Variants in ABTB2 observed in about 807,000 individuals in gnomAD.
ABTB2 encodes the protein ankyrin repeat and BTB domain containing 2.
In ABTB2, 56 loss-of-function variants were observed where a neutral mutation model predicts 104.1. That is an observed-to-expected ratio of 0.54 (90% confidence interval 0.43 to 0.67). The LOEUF is 0.67. Among genes scored for constraint, ABTB2 ranks in the 30% least tolerant of loss-of-function variants. The pLI is 0.00. For synonymous variants in ABTB2, 606 were observed against 608.2 expected, an observed-to-expected ratio of 1.00 and a Z score of 0.05; for missense variants, 1,279 against 1,407.7, an observed-to-expected ratio of 0.91 and a Z score of 1.46.
At chr11:34,336,950 A>G (rs946973049) in intron 1 of ABTB2, among the ~76,000 whole-genome samples, 11 of 152,214 alleles carry the variant, frequency 7.2e-5, no homozygotes, top group African/African-American at 2.7e-4. Context: ...GATTATCCCT[A>G]TCTTACAGAC....
intron 1 of ABTB2, among the ~76,000 whole-genome samples, chr11:34,344,621 C>T (rs1204469338): frequency 6.6e-6 from 1 of 152,160 alleles, no homozygotes; most frequent in African/African-American, 2.4e-5. Context: ...CTCAGCCTCC[C>T]AAGTAGCTGG....
At chr11:34,211,097 G>A (rs1288009836) in intron 1 of ABTB2, among the ~76,000 whole-genome samples, 2 of 152,094 alleles carry the variant, frequency 1.3e-5, no homozygotes, top group Non-Finnish European at 2.9e-5. Context: ...AGAGTGTAAG[G>A]ACAGTCAATT....
chr11:34,266,627 C>T (rs1383791587), intron 1 of ABTB2, among the ~76,000 whole-genome samples: 2 of 150,972 alleles, frequency 1.3e-5, no homozygotes, highest in African/African-American at 2.4e-5. Context: ...CCTGCCACCC[C>T]CTTCCTCCGA....
chr11:34,204,288 C>T (rs373401880), intron 2 of ABTB2, among the ~76,000 whole-genome samples: 2 of 152,196 alleles, frequency 1.3e-5, no homozygotes, highest in African/African-American at 2.4e-5. Flanking sequence ...ACTTAGCTCC[C>T]GTGGGTCACT....
At position 34,168,850 on chromosome 11, in the gene ABTB2, C is replaced by T. The variant is rs146445074; in HGVS notation, c.1564-858G>A. Among the ~76,000 whole-genome samples, 581 of 152,350 alleles carry T rather than the reference C, an allele frequency of 3.8e-3. 2 individuals are homozygous for T. Among genetic ancestry groups the T allele is most frequent in the Non-Finnish European group, 5.8e-3 (396 of 68,036 alleles). On this transcript the variant is annotated intron_variant, in intron 5 of 16. Coordinates refer to ENST00000435224, the MANE Select transcript of ABTB2 (RefSeq NM_145804.3). Reference sequence around the variant, plus strand: ...CTGGCTGGGAATCCTCCTCTGTGGCCGGCAACAGCAAAGGCAGTGCAAACT... The same window carrying T: ...CTGGCTGGGAATCCTCCTCTGTGGCTGGCAACAGCAAAGGCAGTGCAAACT...
At position 34,168,003 on chromosome 11, in the gene ABTB2, CA is replaced by C. The variant is rs1852824889; in HGVS notation, c.1564-12del. On this transcript the variant is annotated splice_polypyrimidine_tract_variant and intron_variant, in intron 5 of 16. Coordinates refer to ENST00000435224, the MANE Select transcript of ABTB2 (RefSeq NM_145804.3). Reference sequence around the variant, plus strand: ...CAGTGGCGTCATACCCTGAGCAAATCAAATGCACGTGCTAAACTGTTTGCAA... The same window carrying C: ...CAGTGGCGTCATACCCTGAGCAAATCAATGCACGTGCTAAACTGTTTGCAA... The C allele has an allele frequency of 5.0e-6, 8 of 1,613,418 alleles. No individual in the cohort carries two copies. Among genetic ancestry groups the C allele is most frequent in the Non-Finnish European group, 5.1e-6 (6 of 1,179,656 alleles).
chr11:34,254,423 T>C (rs1854095070), intron 1 of ABTB2, among the ~76,000 whole-genome samples: 1 of 151,688 alleles, frequency 6.6e-6, no homozygotes, highest in African/African-American at 2.4e-5. Flanking sequence ...AATTTTTGTA[T>C]TTTCTTTTTT....
At position 34,154,081 on chromosome 11, in the gene ABTB2, G is replaced by A. The variant is rs1048985055; in HGVS notation, c.2880+184C>T. 6.6e-6 allele frequency among the ~76,000 whole-genome samples: 1 copy of A among 152,182 alleles called. No homozygotes were observed. The highest frequency in any genetic ancestry group is 1.5e-5 in the Non-Finnish European group (1 of 68,030). ...CACCTCCCAAGCTACCACATGGCCA[G>A]TGGGCAGCAGTGACCCCAGGCAACA... On this transcript the variant is annotated intron_variant, in intron 16 of 16. Transcript: ENST00000435224. The surrounding 1 kb of genome is among the most constrained non-coding windows in gnomAD (Gnocchi z 4.9).
intron 1 of ABTB2, among the ~76,000 whole-genome samples, chr11:34,236,480 G>A (rs1853845210): frequency 6.6e-6 from 1 of 152,176 alleles, no homozygotes; most frequent in Admixed American, 6.5e-5. Flanking sequence ...TAGGGCTGGA[G>A]AAGGACTCTG....
chr11:34,218,635 A>T (rs1178773395), intron 1 of ABTB2, among the ~76,000 whole-genome samples: 4 of 151,994 alleles, frequency 2.6e-5, no homozygotes, highest in African/African-American at 9.7e-5. Flanking sequence ...AGATCACCTG[A>T]GGTCGGGAGT....
At chr11:34,174,309 G>A (rs368206960) in intron 3 of ABTB2, among the ~76,000 whole-genome samples, 5 of 138,906 alleles carry the variant, frequency 3.6e-5, no homozygotes, top group East Asian at 2.0e-4. Flanking sequence ...TGGGCGACAG[G>A]GCGAGACTCC....
intron 1 of ABTB2, among the ~76,000 whole-genome samples, chr11:34,334,768 G>GT (rs34761456): frequency 6.9e-4 from 100 of 145,782 alleles, no homozygotes; most frequent in Non-Finnish European, 1.1e-3. Context: ...TAATATTTGG[G>GT]TTTTTTTTTT....
chr11:34,251,875 A>G (rs1285183835), intron 1 of ABTB2, among the ~76,000 whole-genome samples: 1 of 152,184 alleles, frequency 6.6e-6, no homozygotes, highest in African/African-American at 2.4e-5. Flanking sequence ...CGATAGAAAA[A>G]GATCCAAATC....
Position 34,214,973 on chromosome 11 carries a change from A to T in ABTB2, c.884-10283T>A, listed in dbSNP as rs1853532607. Among the ~76,000 whole-genome samples, 3 of 152,192 alleles carry T rather than the reference A, an allele frequency of 2.0e-5. No individual in the cohort carries two copies. The South Asian group carries it at 6.2e-4, about 32-fold the overall frequency. On this transcript the variant is annotated intron_variant, in intron 1 of 16. Transcript: ENST00000435224. ...TCTAAATTGCTAACCAGTAGATGAG[A>T]CATTGTCTGCATGCCTCATTCCAAG...
chr11:34,283,417 T>C (rs1346957112), intron 1 of ABTB2, among the ~76,000 whole-genome samples: 1 of 152,144 alleles, frequency 6.6e-6, no homozygotes, highest in Non-Finnish European at 1.5e-5. Context: ...GGTTTCACCA[T>C]GTTGGCCAGG....
intron 1 of ABTB2, among the ~76,000 whole-genome samples, chr11:34,350,511 C>T (rs1855385538): frequency 6.6e-6 from 1 of 152,200 alleles, no homozygotes; most frequent in Admixed American, 6.5e-5. Context: ...CTTCCATCCC[C>T]AGGAGCAGCA....
intron 1 of ABTB2, among the ~76,000 whole-genome samples, chr11:34,339,119 TA>T (rs887350813): frequency 6.6e-6 from 1 of 152,214 alleles, no homozygotes; most frequent in African/African-American, 2.4e-5. Context: ...AGGTATTTTT[TA>T]AAACACCATT....
intron 1 of ABTB2, among the ~76,000 whole-genome samples, chr11:34,304,675 A>C (rs1305432797): frequency 6.6e-6 from 1 of 151,652 alleles, no homozygotes; most frequent in Non-Finnish European, 1.5e-5. Context: ...AGAGAAGACT[A>C]GGAGAAGGAG....
intron 3 of ABTB2, among the ~76,000 whole-genome samples, chr11:34,196,520 C>T (rs1006497740): frequency 6.6e-6 from 1 of 152,166 alleles, no homozygotes; most frequent in Non-Finnish European, 1.5e-5. Context: ...TGCCATTGCA[C>T]TCCAGCCTGG....
Sources: gnomAD v4.1 joint callset for allele counts (sites outside exome capture counted in the v4.1 genomes callset) on GRCh38, gnomAD v4.1.1 for gene constraint, Gnocchi (gnomAD v3.1) non-coding constraint, MANE v1.5 for transcripts, NCBI Gene and HGNC (gene_info 2026-07-23, HGNC 2026-07-21) for gene names.